The following DAB1 variants were observed in gnomAD, a reference collection of about 807,000 sequenced individuals.
DAB1 encodes the protein disabled homolog 1.
A neutral mutation model predicts 64.6 loss-of-function variants in DAB1; 15 were observed. The ratio of observed to expected loss-of-function variants is 0.23; its 90% CI spans 0.16 to 0.36. DAB1 has a LOEUF of 0.36. DAB1 is among the 10% of genes least tolerant of loss of function. DAB1 has a pLI of 1.00. For missense variants in DAB1, 596 were observed against 706.7 expected, an observed-to-expected ratio of 0.84 and a Z score of 1.78; for synonymous variants, 235 against 251.9, an observed-to-expected ratio of 0.93 and a Z score of 0.64.
Position 57,737,330 on chromosome 1 carries a change from C to T in DAB1, n.552-87665G>A, listed in dbSNP as rs147248953. On this transcript the variant is annotated intron_variant and non_coding_transcript_variant, in intron 6 of 20. Transcript: ENST00000485760. The stretch of plus-strand genomic sequence containing the variant: ...TCTGAACAGGCAAGCATAGGCTACT[C>T]ACCACCGGAATATCATGTCACAGTT... Among the ~76,000 whole-genome samples the T allele has an allele frequency of 4.6e-5, 7 of 152,238 alleles. No individual in the cohort carries two copies. The East Asian group carries it at 1.4e-3, about 29-fold the overall frequency.
chr1:57,944,704 G>A (rs1000684876), intron 5 of DAB1, among the ~76,000 whole-genome samples: 4 of 152,220 alleles, frequency 2.6e-5, no homozygotes, highest in African/African-American at 4.8e-5. Context: ...TCATGTTAGC[G>A]TAAACAGCTC....
chr1:57,883,846 C>A (rs1214928008), intron 1 of DAB1, among the ~76,000 whole-genome samples: 1 of 152,128 alleles, frequency 6.6e-6, no homozygotes, highest in East Asian at 1.9e-4. Flanking sequence ...AATAATGAAC[C>A]TTGGGTTATT....
intron 9 of DAB1, chr1:57,033,246 T>C: frequency 1.2e-6 from 1 of 869,246 alleles, no homozygotes; most frequent in South Asian, 1.5e-5. Context: ...CCAATAGTCT[T>C]CCTGGGGACA....
intron 3 of DAB1, among the ~76,000 whole-genome samples, chr1:58,358,156 C>T (rs150333785): frequency 6.6e-6 from 1 of 152,250 alleles, no homozygotes; most frequent in African/African-American, 2.4e-5. Flanking sequence ...GCCTTAACTA[C>T]CTTTATGCAG....
At chr1:58,085,455 C>A (rs4912179) in intron 5 of DAB1, among the ~76,000 whole-genome samples, 1,721 of 152,188 alleles carry the variant, frequency 0.011, 68 homozygotes, top group South Asian at 0.1. Flanking sequence ...GCAGCCTCAA[C>A]CTCCTGGGCT....
chr1:57,999,911 A>G (rs1370234571), intron 5 of DAB1, among the ~76,000 whole-genome samples: 3 of 151,528 alleles, frequency 2.0e-5, no homozygotes, highest in Non-Finnish European at 4.4e-5. Flanking sequence ...GAGTTAAAGG[A>G]AGAAAAGAAG....
chr1:58,228,256 A>G (rs1438258166), intron 4 of DAB1, among the ~76,000 whole-genome samples: 1 of 152,240 alleles, frequency 6.6e-6, no homozygotes, highest in Non-Finnish European at 1.5e-5. Flanking sequence ...GATTATTTTT[A>G]AAACCGAATG....
At chr1:57,678,769 T>G (rs1482761672) in intron 6 of DAB1, among the ~76,000 whole-genome samples, 3 of 141,004 alleles carry the variant, frequency 2.1e-5, no homozygotes, top group Non-Finnish European at 3.0e-5. Flanking sequence ...CTGTTTTTTG[T>G]TTTTTTTTTC....
chr1:57,200,789 A>C (rs1419576885), intron 2 of DAB1, among the ~76,000 whole-genome samples: 1 of 152,256 alleles, frequency 6.6e-6, no homozygotes, highest in Non-Finnish European at 1.5e-5. Flanking sequence ...AGTTAAAAAC[A>C]ACTCATGTTA....
chr1:57,494,253 A>G (rs1202269764), intron 7 of DAB1, among the ~76,000 whole-genome samples: 1 of 147,434 alleles, frequency 6.8e-6, no homozygotes, highest in Non-Finnish European at 1.5e-5. Flanking sequence ...AATTGTTACA[A>G]TTTTTTTTTT....
chr1:57,162,837 G>A (rs1292145337), intron 2 of DAB1, among the ~76,000 whole-genome samples: 2 of 152,188 alleles, frequency 1.3e-5, no homozygotes, highest in Non-Finnish European at 2.9e-5. Flanking sequence ...AGAAAACAGA[G>A]AGTGCAAATC....
intron 6 of DAB1, among the ~76,000 whole-genome samples, chr1:57,659,970 C>T (rs1213245423): frequency 7.8e-6 from 1 of 128,472 alleles, no homozygotes; most frequent in Non-Finnish European, 1.6e-5. Context: ...GAGCAAGGCT[C>T]TCTCTCAAAA....
intron 6 of DAB1, among the ~76,000 whole-genome samples, chr1:57,743,539 C>G (rs898996316): frequency 6.6e-6 from 1 of 152,218 alleles, no homozygotes; most frequent in African/African-American, 2.4e-5. Context: ...GTTTGGTGGT[C>G]TCTCCACACG....
intron 6 of DAB1, among the ~76,000 whole-genome samples, chr1:57,724,992 C>T (rs946689724): frequency 2.0e-5 from 3 of 152,196 alleles, no homozygotes; most frequent in African/African-American, 7.2e-5. Flanking sequence ...AGCCAAGTAA[C>T]TGATACAAGG....
At chr1:58,408,816 T>C (rs1644640876) in intron 3 of DAB1, among the ~76,000 whole-genome samples, 1 of 152,178 alleles carries the variant, frequency 6.6e-6, no homozygotes, top group African/African-American at 2.4e-5. Flanking sequence ...TGAACTGTGC[T>C]GGGTAGAAGG....
intron 1 of DAB1, among the ~76,000 whole-genome samples, chr1:58,529,726 C>T (rs1159203408): frequency 6.6e-6 from 1 of 151,896 alleles, no homozygotes; most frequent in Non-Finnish European, 1.5e-5. Context: ...TAGAAAATAT[C>T]TACGAAAAAA....
At chr1:58,207,971 A>G (rs904197904) in intron 4 of DAB1, among the ~76,000 whole-genome samples, 4 of 152,148 alleles carry the variant, frequency 2.6e-5, no homozygotes, top group Non-Finnish European at 4.4e-5. Context: ...GAAACTTACA[A>G]TCATGGTGGA....
chr1:58,023,044 G>A (rs1646836708), intron 5 of DAB1, among the ~76,000 whole-genome samples: 2 of 152,132 alleles, frequency 1.3e-5, no homozygotes, highest in African/African-American at 4.8e-5. Context: ...TAAACAACTT[G>A]AAAATTCTGT....
chr1:58,449,039 G>C (rs904357015), intron 3 of DAB1, among the ~76,000 whole-genome samples: 4 of 152,218 alleles, frequency 2.6e-5, no homozygotes. Flanking sequence ...GAAAGGGATG[G>C]TGAAACCAAG....
Sources: gnomAD v4.1 joint callset for allele counts (sites outside exome capture counted in the v4.1 genomes callset) on GRCh38, gnomAD v4.1.1 for gene constraint, MANE v1.5 for transcripts, NCBI Gene and HGNC (gene_info 2026-07-23, HGNC 2026-07-21) for gene names.